CWH43: variants seen among roughly 807,000 people sequenced by gnomAD.
CWH43 encodes the protein cell wall biogenesis 43 C-terminal homolog.
A neutral mutation model predicts 85.7 loss-of-function variants in CWH43; 91 were observed. The ratio of observed to expected loss-of-function variants is 1.06; its 90% CI spans 0.90 to 1.26. The LOEUF (loss-of-function observed/expected upper bound fraction) is 1.26, where lower values mean the gene tolerates loss of function less well. Among genes scored for constraint, CWH43 ranks in the 50% most tolerant of loss-of-function variants. The pLI is 0.00. For synonymous variants in CWH43, 323 were observed against 293.6 expected (o/e 1.10, Z -1.02); for missense variants, 869 against 839.2 (o/e 1.04, Z -0.44).
intron 1 of CWH43, 119 bp from the exon 2 acceptor site, chr4:48,988,358 C>G: frequency 1.5e-6 from 1 of 675,718 alleles, no homozygotes; most frequent in South Asian, 2.5e-5. Flanking sequence ...GAACCCAGTT[C>G]AGGCCAGAGT....
At chr4:49,020,421 A>ATATG (rs1783715444) in intron 9 of CWH43, among the ~76,000 whole-genome samples, 1 of 151,420 alleles carries the variant, frequency 6.6e-6, no homozygotes, top group African/African-American at 2.4e-5. Context: ...ACACACATAT[A>ATATG]TATATATAAA....
At chr4:48,994,847 A>G in intron 5 of CWH43, 27 bp downstream of exon 5, 2 of 1,601,022 alleles carry the variant, frequency 1.2e-6, no homozygotes, top group Non-Finnish European at 1.7e-6. Context: ...AAGCAATCAC[A>G]AAATCGGCAG....
At chr4:48,995,353 C>A (rs1385892638) in intron 5 of CWH43, among the ~76,000 whole-genome samples, 1 of 152,182 alleles carries the variant, frequency 6.6e-6, no homozygotes, top group Admixed American at 6.5e-5. Flanking sequence ...AGTTAGTAGT[C>A]TGGAGTCAAG....
chr4:49,061,943 T>A lies in CWH43; in HGVS notation c.*53T>A. Reference sequence around the variant, plus strand: ...GGGAAAATCTAAGAAAAAAAGTATGTAAGATAAAAAGAAGAGATTAATGAA... The same window carrying A: ...GGGAAAATCTAAGAAAAAAAGTATGAAAGATAAAAAGAAGAGATTAATGAA... On this transcript the variant is annotated 3_prime_UTR_variant, in exon 16 of 16. Transcript: ENST00000226432. 2 of 1,237,968 alleles carry A rather than the reference T, an allele frequency of 1.6e-6. No homozygotes were observed. The highest frequency in any genetic ancestry group is 2.1e-6 in the Non-Finnish European group (2 of 937,816). The allele number at this position is 1,237,968 out of a possible 1,614,324, so 76.7% of individuals were successfully genotyped here.
At chr4:48,987,604 C>G (rs1175325986) in intron 1 of CWH43, among the ~76,000 whole-genome samples, 1 of 152,164 alleles carries the variant, frequency 6.6e-6, no homozygotes, top group Non-Finnish European at 1.5e-5. Flanking sequence ...AAATAGTACC[C>G]ACCTCATAGC....
chr4:49,044,744 GC>G, intron 13 of CWH43, 41 bp from the exon 14 acceptor site: 1 of 1,547,884 alleles, frequency 6.5e-7, no homozygotes, highest in Non-Finnish European at 8.9e-7. Flanking sequence ...ATAGAGCTTT[GC>G]TTTTTATGCT....
At position 49,050,773 on chromosome 4, in the gene CWH43, C is replaced by A. The variant is rs748511152; in HGVS notation, c.1945C>A (p.Pro649Thr). 5.0e-6 allele frequency: 8 copies of A among 1,610,590 alleles called. No individual in the cohort carries two copies. The Admixed American group carries it at 1.0e-4, about 20-fold the overall frequency. ...QMAKFRIPDD[P>T]TNYRDNQKVV... ...GGCAAAATTTAGGATCCCTGATGACCCCACTAATTATAGAGACAACCAGAA... is the reference window on the plus strand; with the variant it reads ...GGCAAAATTTAGGATCCCTGATGACACCACTAATTATAGAGACAACCAGAA... Residue 649 changes from proline to threonine, a missense_variant, in exon 15 of 16, where the codon CCC becomes ACC. By Grantham distance (38) the Pro-to-Thr change is conservative. Coordinates refer to ENST00000226432, the MANE Select transcript of CWH43 (RefSeq NM_025087.3).
intron 3 of CWH43, 26 bp from the exon 4 acceptor site, chr4:48,991,910 G>A: frequency 6.3e-7 from 1 of 1,595,510 alleles, no homozygotes; most frequent in South Asian, 1.1e-5. Context: ...CATAAAAAGT[G>A]TTTAAAAATA....
At chr4:49,021,683 A>G (rs1387681573) in intron 9 of CWH43, among the ~76,000 whole-genome samples, 1 of 152,182 alleles carries the variant, frequency 6.6e-6, no homozygotes, top group Non-Finnish European at 1.5e-5. Flanking sequence ...ATCCATGAGC[A>G]TGGATATGTT....
At chr4:48,995,762 A>T (rs1406298367) in intron 5 of CWH43, among the ~76,000 whole-genome samples, 13 of 152,086 alleles carry the variant, frequency 8.5e-5, no homozygotes, top group Admixed American at 8.5e-4. Context: ...CAGTTCTATG[A>T]CTTCTCTTAG....
chr4:49,007,630 C>T (rs1195609366), intron 8 of CWH43, among the ~76,000 whole-genome samples: 1 of 152,096 alleles, frequency 6.6e-6, no homozygotes, highest in Admixed American at 6.6e-5. Flanking sequence ...CCCCCCTCAC[C>T]CCACCCCACA....
intron 10 of CWH43, 33 bp downstream of exon 10, chr4:49,028,767 A>C (rs755703168): frequency 6.7e-6 from 9 of 1,349,344 alleles, no homozygotes; most frequent in Non-Finnish European, 9.5e-6. Context: ...CCAGGTTTTG[A>C]GAAACTATTA....
intron 15 of CWH43, among the ~76,000 whole-genome samples, chr4:49,059,237 G>C (rs1343976625): frequency 6.6e-6 from 1 of 152,062 alleles, no homozygotes; most frequent in East Asian, 1.9e-4. Context: ...GTCTGCTGTT[G>C]AATCTCTTTA....
intron 2 of CWH43, among the ~76,000 whole-genome samples, chr4:48,989,511 G>C (rs1184244076): frequency 6.6e-6 from 1 of 152,218 alleles, no homozygotes; most frequent in Non-Finnish European, 1.5e-5. Context: ...GTTGCTTAGT[G>C]ACATTTCACT....
chr4:49,038,517 A>C (rs1249834591), intron 13 of CWH43, among the ~76,000 whole-genome samples: 1 of 152,186 alleles, frequency 6.6e-6, no homozygotes, highest in Non-Finnish European at 1.5e-5. Context: ...GCCATGGGCT[A>C]CTTAGGCTTC....
At chr4:49,018,936 C>T (rs1304325088) in intron 9 of CWH43, among the ~76,000 whole-genome samples, 9 of 152,264 alleles carry the variant, frequency 5.9e-5, no homozygotes, top group Middle Eastern at 6.8e-3. Context: ...CTTTAACTGT[C>T]GGTCATTATT....
chr4:49,051,687 C>A lies in CWH43; in HGVS notation c.2021+838C>A, dbSNP rs534655124. Among the ~76,000 whole-genome samples the A allele has an allele frequency of 6.2e-4, 94 of 152,254 alleles. No homozygotes were observed. The South Asian group carries it at 0.011, about 17-fold the overall frequency. ...TGCCTCCTGGGTTAAAGCAATTCTC[C>A]TGTCTCAGCCTCCTGAGTAGCTGGG... On this transcript the variant is annotated intron_variant, in intron 15 of 15. Coordinates refer to ENST00000226432, the MANE Select transcript of CWH43 (RefSeq NM_025087.3).
At chr4:49,023,807 A>G (rs1202636951) in intron 9 of CWH43, among the ~76,000 whole-genome samples, 2 of 152,242 alleles carry the variant, frequency 1.3e-5, no homozygotes, top group African/African-American at 2.4e-5. Flanking sequence ...GTGCTGATGA[A>G]TAGAATGTAT....
chr4:49,011,763 T>C (rs1440329755), intron 8 of CWH43, among the ~76,000 whole-genome samples: 1 of 152,174 alleles, frequency 6.6e-6, no homozygotes, highest in Admixed American at 6.6e-5. Context: ...AAATTCTGGG[T>C]TGAAAATTCT....
Sources: allele counts gnomAD v4.1 joint callset (sites outside exome capture counted in the v4.1 genomes callset), GRCh38; gene constraint gnomAD v4.1.1; transcripts MANE v1.5; gene names NCBI Gene and HGNC (gene_info 2026-07-23, HGNC 2026-07-21).